CEP112: variants seen among roughly 807,000 people sequenced by gnomAD.
CEP112 encodes centrosomal protein 112, also known as centrosomal protein of 112 kDa.
CEP112 carries 127 observed loss-of-function variants against 153.0 expected under a neutral mutation model. The ratio of observed to expected loss-of-function variants is 0.83; its 90% confidence interval spans 0.72 to 0.96. The LOEUF (loss-of-function observed/expected upper bound fraction) is 0.96. Among genes scored for constraint, CEP112 ranks in the 40% least tolerant of loss-of-function variants. The pLI is 0.00. For missense variants in CEP112, 1,089 were observed against 1,101.2 expected, an observed-to-expected ratio of 0.99 and a Z score of 0.16; for synonymous variants, 358 against 374.4, an observed-to-expected ratio of 0.96 and a Z score of 0.51.
At chr17:66,093,562 C>A (rs1391663191) in intron 8 of CEP112, among the ~76,000 whole-genome samples, 4 of 149,908 alleles carry the variant, frequency 2.7e-5, no homozygotes, top group African/African-American at 7.3e-5. Flanking sequence ...ATCAAGAAAA[C>A]AATCCCTCTC....
chr17:66,126,388 T>C (rs1467135967), intron 6 of CEP112, among the ~76,000 whole-genome samples: 2 of 152,030 alleles, frequency 1.3e-5, no homozygotes, highest in East Asian at 1.9e-4. Flanking sequence ...TGGGTACACA[T>C]AGAGTGTTTC....
At chr17:66,129,913 T>C (rs1389224854) in intron 5 of CEP112, 90 bp from the exon 6 acceptor site, 5 of 717,210 alleles carry the variant, frequency 7.0e-6, no homozygotes, top group Admixed American at 3.1e-5. Flanking sequence ...GAGGAAAAGA[T>C]AGAAGAGATA....
At chr17:65,747,496 A>G (rs2051544183) in intron 22 of CEP112, among the ~76,000 whole-genome samples, 1 of 152,176 alleles carries the variant, frequency 6.6e-6, no homozygotes, top group Non-Finnish European at 1.5e-5. Context: ...TTCCTTGAAA[A>G]ATGGCCACTA....
At chr17:65,826,992 A>C (rs914416556) in intron 21 of CEP112, among the ~76,000 whole-genome samples, 1 of 152,214 alleles carries the variant, frequency 6.6e-6, no homozygotes, top group South Asian at 2.1e-4. Context: ...TGGACAGAAT[A>C]AAGCAGGCAG....
intron 12 of CEP112, among the ~76,000 whole-genome samples, chr17:66,047,536 C>G (rs2066263936): frequency 6.6e-6 from 1 of 152,126 alleles, no homozygotes; most frequent in Non-Finnish European, 1.5e-5. Context: ...TTTTCATCAT[C>G]TCTTTTCTAA....
intron 24 of CEP112, among the ~76,000 whole-genome samples, chr17:65,679,789 T>C (rs1375562521): frequency 1.3e-5 from 2 of 152,180 alleles, no homozygotes; most frequent in Non-Finnish European, 2.9e-5. Flanking sequence ...GTTCTCCTAA[T>C]AACCATGCTA....
intron 23 of CEP112, among the ~76,000 whole-genome samples, chr17:65,709,402 G>A (rs1015520730): frequency 6.6e-6 from 1 of 152,224 alleles, no homozygotes; most frequent in South Asian, 2.1e-4. Context: ...TCACAATCAC[G>A]GCGGAAGAGC....
intron 4 of CEP112, among the ~76,000 whole-genome samples, chr17:66,137,390 G>C (rs1477023781): frequency 2.0e-5 from 3 of 151,950 alleles, no homozygotes; most frequent in Non-Finnish European, 4.4e-5. Context: ...GTTAGAGAAA[G>C]AGAAGAGAGA....
intron 4 of CEP112, among the ~76,000 whole-genome samples, chr17:66,172,162 G>C (rs1161178190): frequency 6.6e-6 from 1 of 152,182 alleles, no homozygotes; most frequent in Non-Finnish European, 1.5e-5. Context: ...GATACTTACA[G>C]AATTCCTAAC....
intron 8 of CEP112, among the ~76,000 whole-genome samples, chr17:66,078,236 CT>C (rs373372694): frequency 4.6e-4 from 68 of 146,312 alleles, no homozygotes; most frequent in African/African-American, 1.6e-3. Context: ...GCTTTTGTAT[CT>C]TTTTTTTTTC....
chr17:65,937,462 G>A lies in CEP112; in HGVS notation c.1873-9773C>T, dbSNP rs111376587. Among the ~76,000 whole-genome samples, 14 of 102,280 alleles carry A rather than the reference G, an allele frequency of 1.4e-4. 1 individual carries two copies. The highest frequency in any genetic ancestry group is 5.3e-4 in the South Asian group (1 of 1,872). The allele number at this position is 102,280 out of a possible 152,430, so 67.1% of individuals were successfully genotyped here. A position where few individuals can be genotyped will look rare whatever the true frequency, so the allele number is the denominator to read the frequency against. ...TGGGAGGTGAGGAGCGTCTCTGCCCGGCCGCCCCGTCTGAGAAGTGAGGAG... is the reference window on the plus strand; with the variant it reads ...TGGGAGGTGAGGAGCGTCTCTGCCCAGCCGCCCCGTCTGAGAAGTGAGGAG... On this transcript the variant is annotated intron_variant, in intron 18 of 26. Transcript: ENST00000535342.
At chr17:65,790,467 C>T (rs186516359) in intron 21 of CEP112, among the ~76,000 whole-genome samples, 3 of 152,248 alleles carry the variant, frequency 2.0e-5, no homozygotes, top group African/African-American at 7.2e-5. Context: ...GTGCAAGCTG[C>T]ATTTCTATAC....
At chr17:65,887,175 T>C (rs1263423439) in intron 20 of CEP112, among the ~76,000 whole-genome samples, 2 of 152,162 alleles carry the variant, frequency 1.3e-5, no homozygotes, top group African/African-American at 2.4e-5. Flanking sequence ...ACAGAGTTCA[T>C]GGCTTTGAAG....
intron 17 of CEP112, among the ~76,000 whole-genome samples, chr17:65,970,215 G>A (rs1266008542): frequency 8.8e-6 from 1 of 114,236 alleles, no homozygotes; most frequent in African/African-American, 2.9e-5. Flanking sequence ...TGTCATGCAT[G>A]CATATACCAT....
intron 24 of CEP112, among the ~76,000 whole-genome samples, chr17:65,679,699 T>C (rs1175712571): frequency 2.0e-5 from 3 of 152,236 alleles, no homozygotes; most frequent in Admixed American, 6.5e-5. Context: ...CATAGATTTG[T>C]TGGTTACCCT....
chr17:65,964,620 T>C (rs1443310), intron 17 of CEP112, among the ~76,000 whole-genome samples: 62,960 of 152,002 alleles, frequency 0.41, 14,426 homozygotes, highest in East Asian at 0.87. Context: ...GTGGTCCCAA[T>C]TGACTGGAAG....
At chr17:66,038,136 A>G (rs549706136) in intron 12 of CEP112, among the ~76,000 whole-genome samples, 3 of 151,738 alleles carry the variant, frequency 2.0e-5, no homozygotes, top group African/African-American at 7.2e-5. Flanking sequence ...AAAAGAAAAA[A>G]GAAGATTCTG....
In CEP112 at chr17:66,129,825, T is replaced by A; in HGVS notation, c.565-2A>T. 1 of 1,595,058 alleles carries A rather than the reference T, an allele frequency of 6.3e-7. No individual in the cohort carries two copies. Among genetic ancestry groups the A allele is most frequent in the South Asian group, 1.1e-5 (1 of 90,068 alleles). The stretch of plus-strand genomic sequence containing the variant: ...AGGAGATTTTTTCGAATAAACTTCC[T>A]GAAATACAAAAGGGAAAAAGGAAGA... On this transcript the variant is annotated splice_acceptor_variant, in intron 5 of 26. Coordinates refer to ENST00000535342, the MANE Select transcript of CEP112 (RefSeq NM_001199165.4). LOFTEE classifies it high-confidence loss of function.
chr17:66,039,837 G>A (rs9890507), intron 12 of CEP112, among the ~76,000 whole-genome samples: 78,332 of 151,712 alleles, frequency 0.52, 21,090 homozygotes, highest in African/African-American at 0.59. Flanking sequence ...CACACAGTAT[G>A]TAACTTTTTG....
Sources: gnomAD v4.1 joint callset for allele counts (sites outside exome capture counted in the v4.1 genomes callset) on GRCh38, gnomAD v4.1.1 for gene constraint, MANE v1.5 for transcripts, NCBI Gene and HGNC (gene_info 2026-07-23, HGNC 2026-07-21) for gene names.